GLMN: variants seen among roughly 807,000 people sequenced by gnomAD.
GLMN encodes the protein glomulin, FKBP associated protein.
Under a neutral mutation model 87.8 loss-of-function variants are expected in GLMN, and 75 were observed. The observed-to-expected ratio is 0.85, with a 90% CI of 0.71 to 1.04. GLMN has a LOEUF of 1.04. GLMN is among the 50% of genes least tolerant of loss of function. The pLI is 0.00. For missense variants in GLMN, 588 were observed against 658.8 expected, an observed-to-expected ratio of 0.89 and a Z score of 1.18; for synonymous variants, 206 against 221.6, an observed-to-expected ratio of 0.93 and a Z score of 0.63.
At chr1:92,305,432 C>CAAAAA in the GLMN span, among the ~76,000 whole-genome samples, 124 of 52,600 alleles carry the variant, frequency 2.4e-3, 11 homozygotes, top group East Asian at 5.5e-3. Context: ...GGCTCCGTCT[C>CAAAAA]AAAAAAAAAA....
intron 16 of GLMN, among the ~76,000 whole-genome samples, chr1:92,251,312 T>C (rs1455449551): frequency 6.6e-6 from 1 of 152,118 alleles, no homozygotes; most frequent in African/African-American, 2.4e-5. Flanking sequence ...AATAGACCCA[T>C]ACTTATAAAA....
At chr1:92,324,311 G>A in the GLMN span, 1 of 1,614,104 alleles carries the variant, frequency 6.2e-7, no homozygotes, top group Non-Finnish European at 8.5e-7. Flanking sequence ...CTGAGGATCA[G>A]GGAGTTTTAC....
intron 7 of GLMN, among the ~76,000 whole-genome samples, chr1:92,273,270 G>C (rs530031672): frequency 6.6e-6 from 1 of 152,222 alleles, no homozygotes; most frequent in East Asian, 1.9e-4. Flanking sequence ...GCTATTCAGC[G>C]ACCAGATGCT....
chr1:92,278,065 T>G (rs1647504816), intron 7 of GLMN, among the ~76,000 whole-genome samples: 1 of 152,106 alleles, frequency 6.6e-6, no homozygotes, highest in South Asian at 2.1e-4. Flanking sequence ...GACACCCAAT[T>G]GGTGTCCGTT....
At chr1:92,369,953 C>T in the GLMN span, among the ~76,000 whole-genome samples, 8 of 152,138 alleles carry the variant, frequency 5.3e-5, no homozygotes, top group Non-Finnish European at 1.2e-4. Flanking sequence ...GGTGCGATCT[C>T]GGCTTACTGC....
chr1:92,248,367 A>T, intron 16 of GLMN: 1 of 187,790 alleles, frequency 5.3e-6, no homozygotes, highest in Non-Finnish European at 1.1e-5. Context: ...ATTGATATCC[A>T]CACCACGGAT....
chr1:92,265,886 G>A (rs915765075), intron 13 of GLMN, among the ~76,000 whole-genome samples: 4 of 152,212 alleles, frequency 2.6e-5, no homozygotes, highest in African/African-American at 7.2e-5. Flanking sequence ...ACTTGCAACA[G>A]AGACTGTATA....
At chr1:92,279,485 C>T (rs545168227) in intron 7 of GLMN, among the ~76,000 whole-genome samples, 57 of 146,058 alleles carry the variant, frequency 3.9e-4, no homozygotes, top group African/African-American at 1.4e-3. Flanking sequence ...AAAGGAGTCA[C>T]TTCCAAGATG....
At chr1:92,287,223 C>T (rs895843418) in intron 6 of GLMN, among the ~76,000 whole-genome samples, 1 of 152,172 alleles carries the variant, frequency 6.6e-6, no homozygotes, top group Non-Finnish European at 1.5e-5. Context: ...GAAATACAGT[C>T]ATTTTTTCAC....
chr1:92,260,745 GAC>G lies in GLMN; in HGVS notation c.1473+2116_1473+2117del, dbSNP rs1654931220. 3.4e-5 allele frequency among the ~76,000 whole-genome samples: 4 copies of G among 118,662 alleles called. No individual in the cohort carries two copies. The Admixed American group carries it at 4.5e-4, about 13-fold the overall frequency. The allele number at this position is 118,662 out of a possible 152,430, so 77.8% of individuals were successfully genotyped here. On this transcript the variant is annotated intron_variant, in intron 16 of 18. Transcript: ENST00000370360. ...TACTCCAGCCTGGGCAATACAGTGA[GAC>G]ACTGTCTCTTTGAGATGGAAAAAAA...
intron 2 of GLMN, 32 bp from the exon 3 acceptor site, chr1:92,297,561 A>C: frequency 6.4e-7 from 1 of 1,556,142 alleles, no homozygotes; most frequent in Non-Finnish European, 8.8e-7. Context: ...CAAAAAACAA[A>C]CAAAAAAAAG....
In GLMN at chr1:92,267,954, A is replaced by G. The variant is rs149792649; in HGVS notation, c.1057T>C (p.Tyr353His). The G allele has an allele frequency of 1.2e-3, 1,937 of 1,558,314 alleles. 2 individuals are homozygous for G. Among genetic ancestry groups the G allele is most frequent in the Middle Eastern group, 1.8e-3 (11 of 5,966 alleles). ...AAACTCTTGATTTCTAAGTACTGGT[A>G]AAGTAGACTATTGTCTTCTATTCTC... ...LLRIEDNSLL[Y>H]QYLEIKSFLT... Residue 353 changes from tyrosine (Y) to histidine (H), a missense_variant, in exon 11 of 19, where the codon TAC (tyrosine) becomes CAC (histidine). Transcript: ENST00000370360.
Position 92,291,512 on chromosome 1 carries a change from T to C in GLMN, c.191A>G (p.Asn64Ser). Residue 64 changes from asparagine to serine, a missense_variant, in exon 4 of 19, where the codon AAT becomes AGT. By Grantham distance (46) the Asn-to-Ser change is conservative (BLOSUM62 1). Coordinates refer to ENST00000370360, the MANE Select transcript of GLMN (RefSeq NM_053274.3). ...NKVIIKNMGW[N>S]LVGPVVRCLL... is the part of the protein sequence containing the mutation. ...GCATCGAACAACAGGACCAACGAGA[T>C]TCCAGCCCATATTCTTGATGATGAC... 6.2e-7 allele frequency: 1 copy of C among 1,613,454 alleles called. No homozygotes were observed. The highest frequency in any genetic ancestry group is 1.7e-5 in the Admixed American group (1 of 60,022).
chr1:92,255,460 T>C (rs1654097391), intron 16 of GLMN, among the ~76,000 whole-genome samples: 1 of 152,196 alleles, frequency 6.6e-6, no homozygotes, highest in South Asian at 2.1e-4. Context: ...GATACATTCT[T>C]CTCAGCACCA....
chr1:92,313,431 T>C, the GLMN span, among the ~76,000 whole-genome samples: 1 of 132,048 alleles, frequency 7.6e-6, no homozygotes, highest in African/African-American at 2.7e-5. Context: ...TCAGTAATAT[T>C]TGGAAAGGAA....
the GLMN span, among the ~76,000 whole-genome samples, chr1:92,313,332 A>T: frequency 6.6e-6 from 1 of 152,218 alleles, no homozygotes; most frequent in African/African-American, 2.4e-5. Flanking sequence ...TGGGCTGCAG[A>T]ATGGATATTG....
chr1:92,264,128 C>T (rs1034349245), intron 14 of GLMN, among the ~76,000 whole-genome samples: 2 of 152,108 alleles, frequency 1.3e-5, no homozygotes, highest in Non-Finnish European at 2.9e-5. Flanking sequence ...CGAGCCTGGG[C>T]AACACAGTGA....
At chr1:92,326,405 G>A in the GLMN span, among the ~76,000 whole-genome samples, 1 of 152,136 alleles carries the variant, frequency 6.6e-6, no homozygotes, top group Non-Finnish European at 1.5e-5. Context: ...CTTGCTTTTG[G>A]TTGTTTAATG....
the GLMN span, among the ~76,000 whole-genome samples, chr1:92,368,831 A>C: frequency 6.6e-6 from 1 of 152,220 alleles, no homozygotes; most frequent in Non-Finnish European, 1.5e-5. Context: ...TAAAGGTCTT[A>C]TCAATAAGAT....
Sources: gnomAD v4.1 joint callset for allele counts (sites outside exome capture counted in the v4.1 genomes callset) on GRCh38, gnomAD v4.1.1 for gene constraint, MANE v1.5 for transcripts, NCBI Gene and HGNC (gene_info 2026-07-23, HGNC 2026-07-21) for gene names.